CPLANE1: variants seen among roughly 807,000 people sequenced by gnomAD.
CPLANE1 encodes ciliogenesis and planar polarity effector complex subunit 1.
A neutral mutation model predicts 362.5 loss-of-function variants in CPLANE1; 263 were observed. That is an observed-to-expected ratio of 0.73 (90% confidence interval 0.66 to 0.80). The LOEUF is 0.80. CPLANE1 is among the 30% of genes least tolerant of loss of function. The pLI, the probability that CPLANE1 is intolerant of heterozygous loss-of-function variation, is 0.00. For missense variants in CPLANE1, 3,461 were observed against 3,793.4 expected, an observed-to-expected ratio of 0.91 and a Z score of 2.30; for synonymous variants, 1,212 against 1,302.6, an observed-to-expected ratio of 0.93 and a Z score of 1.50.
downstream of CPLANE1, chr5:37,106,078 T>C (rs1018713708): frequency 1.3e-5 from 2 of 152,122 alleles, no homozygotes; most frequent in African/African-American, 4.8e-5. Context: ...TAAAGGGGAA[T>C]GCTCATACAC....
At chr5:37,244,139 C>T (rs751175379) in intron 5 of CPLANE1, among the ~76,000 whole-genome samples, 6 of 152,010 alleles carry the variant, frequency 3.9e-5, no homozygotes, top group South Asian at 2.1e-4. Context: ...CGTGAGCCAC[C>T]GCGCCCGGCA....
chr5:37,226,733 A>G lies in CPLANE1; in HGVS notation c.1862T>C (p.Leu621Pro). The change falls in exon 12 of 53, where the codon CTT becomes CCT. Residue 621 changes from leucine to proline, a missense_variant. Physicochemically the swap from Leu to Pro is moderately conservative, Grantham distance 98. Coordinates refer to ENST00000651892, the MANE Select transcript of CPLANE1 (RefSeq NM_001384732.1). ...ATGTCTTGAGCTTTTGCTTAAAACA[A>G]GATCAAGTTTAGGAAAAGGACATTT... ...FIKCPFPKLD[L>P]VLSKSSRHNA... is the part of the protein sequence containing the mutation. 1 of 1,544,894 alleles carries G rather than the reference A, an allele frequency of 6.5e-7. No individual in the cohort carries two copies. The highest frequency in any genetic ancestry group is 1.4e-5 in the African/African-American group (1 of 72,804).
At chr5:37,080,440 G>C in the CPLANE1 span, among the ~76,000 whole-genome samples, 1 of 152,074 alleles carries the variant, frequency 6.6e-6, no homozygotes, top group Non-Finnish European at 1.5e-5. Flanking sequence ...ATAATTTGGG[G>C]GTTTTTTTCC....
At chr5:37,195,733 T>C in intron 21 of CPLANE1, 125 bp downstream of exon 21, 4 of 884,820 alleles carry the variant, frequency 4.5e-6, no homozygotes, top group Non-Finnish European at 6.6e-6. Flanking sequence ...AAGTACAATA[T>C]TTACTTGTAA....
chr5:37,109,442 A>G (rs1034984809), intron 51 of CPLANE1, among the ~76,000 whole-genome samples: 1 of 152,116 alleles, frequency 6.6e-6, no homozygotes, highest in Admixed American at 6.5e-5. Flanking sequence ...TGCTCTCCCT[A>G]GCTAACTTCA....
chr5:37,135,939 A>G (rs1206422762), intron 46 of CPLANE1, among the ~76,000 whole-genome samples: 1 of 152,190 alleles, frequency 6.6e-6, no homozygotes, highest in African/African-American at 2.4e-5. Context: ...CTCCACCAAC[A>G]TGTGGGGATT....
At position 37,168,871 on chromosome 5, in the gene CPLANE1, T is replaced by C. The variant is rs750489289; in HGVS notation, c.7153A>G (p.Thr2385Ala). 1 of 1,614,070 alleles carries C rather than the reference T, an allele frequency of 6.2e-7. No individual in the cohort carries two copies. Among genetic ancestry groups the C allele is most frequent in the East Asian group, 2.2e-5 (1 of 44,878 alleles). ...TCTTCTGCTATAGGTTGGATAGGTGTTGAGGGAACTGTAATAGATGCTCTT... is the reference window on the plus strand; with the variant it reads ...TCTTCTGCTATAGGTTGGATAGGTGCTGAGGGAACTGTAATAGATGCTCTT... ...TSRASITVPS[T>A]PIQPIAEERK... The change falls in exon 34 of 53, where the codon ACA (threonine) becomes GCA (alanine). Residue 2385 changes from threonine to alanine, a missense_variant. Thr to Ala is a moderately conservative substitution (Grantham distance 58). This residue lies in a region of CPLANE1 where 3,380 missense variants were observed against 3,666.1 expected (regional missense o/e 0.92). Coordinates refer to ENST00000651892, the MANE Select transcript of CPLANE1 (RefSeq NM_001384732.1).
chr5:37,148,117 A>G, intron 43 of CPLANE1, 64 bp downstream of exon 43: 1 of 1,235,628 alleles, frequency 8.1e-7, no homozygotes, highest in Non-Finnish European at 1.2e-6. Context: ...TCCACAAAAC[A>G]ATGCACATTC....
At position 37,159,273 on chromosome 5, in the gene CPLANE1, G is replaced by A. The variant is rs932487686; in HGVS notation, c.7691-928C>T. 2.3e-3 allele frequency among the ~76,000 whole-genome samples: 336 copies of A among 148,198 alleles called. 3 individuals are homozygous for A. The highest frequency in any genetic ancestry group is 7.7e-3 in the African/African-American group (311 of 40,262). On this transcript the variant is annotated intron_variant, in intron 38 of 52. Transcript: ENST00000651892. ...ACTACAGGCGCCCGCCACCGCGCCC[G>A]GCTAATTTTTTGTATTTTTAGTAGA...
chr5:37,085,920 A>G, the CPLANE1 span: 2 of 289,350 alleles, frequency 6.9e-6, no homozygotes, highest in East Asian at 7.5e-5. Context: ...AATTAATAGG[A>G]AAAAAAAAAA....
chr5:37,242,920 C>T (rs948682466), intron 6 of CPLANE1, 93 bp downstream of exon 6: 3 of 756,724 alleles, frequency 4.0e-6, no homozygotes, highest in African/African-American at 1.9e-5. Context: ...TATGATTGTG[C>T]CACTACCCCC....
At chr5:37,175,834 C>G in intron 31 of CPLANE1, 75 bp downstream of exon 31, 3 of 964,140 alleles carry the variant, frequency 3.1e-6, no homozygotes, top group South Asian at 3.1e-5. Context: ...AAAAATGGTA[C>G]AGTCGGCATA....
Position 37,107,009 on chromosome 5 carries a change from T to C in CPLANE1, c.*593A>G. On this transcript the variant is annotated 3_prime_UTR_variant, in exon 53 of 53. Transcript: ENST00000651892. ...TGCCCAAAGCATCCATTCCTGTTTC[T>C]TCCTCCAAGGCTTCAGGCTACAGGG... 1 of 985,428 alleles carries C rather than the reference T, an allele frequency of 1.0e-6. No individual in the cohort carries two copies. The highest frequency in any genetic ancestry group is 1.2e-6 in the Non-Finnish European group (1 of 829,934). 61.0% of individuals were successfully genotyped at this position (985,428 alleles called of 1,614,324 possible).
chr5:37,206,144 T>A, intron 17 of CPLANE1, 53 bp downstream of exon 17: 1 of 1,160,918 alleles, frequency 8.6e-7, no homozygotes, highest in Non-Finnish European at 1.3e-6. Context: ...AAGAGAAATA[T>A]AAAATACATA....
rs563339239 is a variant in CPLANE1 at position 37,121,872 on chromosome 5, C to T, written c.9018-88G>A. On this transcript the variant is annotated intron_variant, in intron 48 of 52. Transcript: ENST00000651892. ...AATATAGTGTTTGAAGATCACCTAG[C>T]ATGTTCTGGTTTTTTTTTTTTTTTG... 5.7e-6 allele frequency: 6 copies of T among 1,056,416 alleles called. No individual in the cohort carries two copies. The African/African-American group carries it at 9.8e-5, about 17-fold the overall frequency. 65.4% of individuals were successfully genotyped at this position (1,056,416 alleles called of 1,614,324 possible).
chr5:37,219,494 C>T (rs567918318), intron 15 of CPLANE1, among the ~76,000 whole-genome samples: 2 of 152,000 alleles, frequency 1.3e-5, no homozygotes, highest in African/African-American at 4.8e-5. Context: ...CGCCACTACA[C>T]TCCAGCCTGG....
the CPLANE1 span, among the ~76,000 whole-genome samples, chr5:37,098,390 CAAAAAAAAAA>C: frequency 5.3e-5 from 2 of 37,632 alleles, no homozygotes; most frequent in Admixed American, 3.5e-4. Flanking sequence ...AACTCCGTCT[CAAAAAAAAAA>C]AAAAAAAAAA....
chr5:37,128,512 C>T (rs1399285035), intron 46 of CPLANE1, among the ~76,000 whole-genome samples: 1 of 152,146 alleles, frequency 6.6e-6, no homozygotes, highest in African/African-American at 2.4e-5. Flanking sequence ...ATATCCCATG[C>T]TCATGGATGG....
At chr5:37,244,327 A>C (rs1468169335) in intron 5 of CPLANE1, 48 bp downstream of exon 5, 1 of 1,274,656 alleles carries the variant, frequency 7.8e-7, no homozygotes, top group Non-Finnish European at 1.1e-6. Flanking sequence ...ATACCATTAC[A>C]CACTCTGCTA....
Sources: allele counts gnomAD v4.1 joint callset (sites outside exome capture counted in the v4.1 genomes callset), GRCh38; gene constraint gnomAD v4.1.1; regional missense constraint gnomAD v4.1.1; transcripts MANE v1.5; gene names NCBI Gene and HGNC (gene_info 2026-07-23, HGNC 2026-07-21).